Variants in DPP10 observed in about 807,000 individuals in gnomAD.
DPP10 encodes dipeptidyl peptidase like 10, also known as inactive dipeptidyl peptidase 10.
A neutral mutation model predicts 120.9 loss-of-function variants in DPP10; 33 were observed. The ratio of observed to expected loss-of-function variants is 0.27; its 90% CI spans 0.21 to 0.37. The LOEUF (loss-of-function observed/expected upper bound fraction) is 0.37. DPP10 is among the 10% of genes least tolerant of loss of function. DPP10 has a pLI of 1.00. For missense variants in DPP10, 816 were observed against 942.8 expected, an observed-to-expected ratio of 0.87 and a Z score of 1.76; for synonymous variants, 337 against 326.1, an observed-to-expected ratio of 1.03 and a Z score of -0.36.
Position 115,125,923 on chromosome 2 carries a change from C to G in DPP10, c.61-183316C>G, listed in dbSNP as rs541434125. 3.8e-4 allele frequency among the ~76,000 whole-genome samples: 58 copies of G among 152,198 alleles called. No individual in the cohort carries two copies. In the East Asian group the frequency reaches 0.011, roughly 29 times the overall value. On this transcript the variant is annotated intron_variant, in intron 1 of 25. Transcript: ENST00000410059. ...ACATGTATTTAAATTAGATTTTTAC[C>G]AAGCCATATTACCAGGCTAAGTAAA...
chr2:114,555,147 T>C (rs1688186437), intron 1 of DPP10, among the ~76,000 whole-genome samples: 2 of 152,198 alleles, frequency 1.3e-5, no homozygotes, highest in Admixed American at 6.5e-5. Context: ...GTATAGAGTA[T>C]AGACACTGTC....
intron 5 of DPP10, among the ~76,000 whole-genome samples, chr2:115,536,939 A>G (rs2078884738): frequency 6.6e-6 from 1 of 152,116 alleles, no homozygotes; most frequent in South Asian, 2.1e-4. Flanking sequence ...TTAGCAAGCG[A>G]TGGAGTAAAA....
chr2:114,531,442 TG>T (rs1162695065), intron 1 of DPP10, among the ~76,000 whole-genome samples: 6 of 151,504 alleles, frequency 4.0e-5, no homozygotes, highest in African/African-American at 1.4e-4. Flanking sequence ...AGAATTGACA[TG>T]AGCCAATTCC....
intron 1 of DPP10, among the ~76,000 whole-genome samples, chr2:115,007,809 A>G (rs1318321592): frequency 6.7e-6 from 1 of 149,038 alleles, no homozygotes; most frequent in Admixed American, 6.7e-5. Flanking sequence ...CCAAATCATG[A>G]GTGAACTCCC....
intron 1 of DPP10, among the ~76,000 whole-genome samples, chr2:115,106,496 G>A (rs762917442): frequency 1.3e-5 from 2 of 152,068 alleles, no homozygotes; most frequent in African/African-American, 2.4e-5. Flanking sequence ...GTCATGCTTC[G>A]TCATCCAAAC....
chr2:115,528,376 TAAATA>T (rs964544310), intron 5 of DPP10, among the ~76,000 whole-genome samples: 4 of 149,786 alleles, frequency 2.7e-5, no homozygotes, highest in Admixed American at 1.3e-4. Context: ...AATAAATAAA[TAAATA>T]AATAAAAACC....
chr2:115,645,215 C>A (rs567244138), intron 5 of DPP10, among the ~76,000 whole-genome samples: 101 of 152,218 alleles, frequency 6.6e-4, no homozygotes, highest in Non-Finnish European at 9.6e-4. Flanking sequence ...TGTTATAGGC[C>A]AAGCCCAAGT....
chr2:115,519,812 T>C (rs1448987981), intron 4 of DPP10, among the ~76,000 whole-genome samples: 1 of 152,182 alleles, frequency 6.6e-6, no homozygotes, highest in African/African-American at 2.4e-5. Context: ...GTCCACTGGC[T>C]TTCTAAAATC....
intron 5 of DPP10, among the ~76,000 whole-genome samples, chr2:115,636,612 G>A (rs952752507): frequency 6.6e-6 from 1 of 151,980 alleles, no homozygotes; most frequent in African/African-American, 2.4e-5. Flanking sequence ...GAGAGAGTGA[G>A]AGAAGGAGAG....
At position 114,837,201 on chromosome 2, in the gene DPP10, C is replaced by T. The variant is rs1388277016; in HGVS notation, c.60+394363C>T. Among the ~76,000 whole-genome samples the T allele has an allele frequency of 2.0e-5, 3 of 152,134 alleles. No homozygotes were observed. The East Asian group carries it at 5.8e-4, about 29-fold the overall frequency. On this transcript the variant is annotated intron_variant, in intron 1 of 25. Coordinates refer to ENST00000410059, the MANE Select transcript of DPP10 (RefSeq NM_020868.6). ...AAGTGATAAGTGTCCATGAAATCTT[C>T]ACAATCTATGTTCAGAGATTGCAGT...
intron 1 of DPP10, among the ~76,000 whole-genome samples, chr2:114,825,031 T>C (rs1259320013): frequency 1.3e-5 from 2 of 152,174 alleles, no homozygotes; most frequent in South Asian, 2.1e-4. Context: ...GTTAACTCAA[T>C]GCTGTGGAAG....
At chr2:114,975,924 T>G (rs986271208) in intron 1 of DPP10, among the ~76,000 whole-genome samples, 1 of 152,170 alleles carries the variant, frequency 6.6e-6, no homozygotes, top group Admixed American at 6.5e-5. Flanking sequence ...ATACTGGGAT[T>G]ACAGATGTGA....
At chr2:115,395,709 A>G (rs1326792914) in intron 3 of DPP10, among the ~76,000 whole-genome samples, 3 of 152,146 alleles carry the variant, frequency 2.0e-5, no homozygotes, top group African/African-American at 7.2e-5. Context: ...TGTTTTCAAT[A>G]GATGAAACTC....
At chr2:114,888,374 AAAG>A (rs970566058) in intron 1 of DPP10, among the ~76,000 whole-genome samples, 12 of 152,296 alleles carry the variant, frequency 7.9e-5, no homozygotes, top group African/African-American at 2.4e-4. Context: ...ATAGTAGATA[AAAG>A]AAGAAGAAGG....
chr2:115,341,618 C>T (rs1057213378), intron 2 of DPP10, among the ~76,000 whole-genome samples: 3 of 152,190 alleles, frequency 2.0e-5, no homozygotes, highest in African/African-American at 4.8e-5. Context: ...TTCCTTCCCT[C>T]GCAATTCCTA....
At chr2:114,909,893 C>T (rs771762350) in intron 1 of DPP10, among the ~76,000 whole-genome samples, 2 of 151,668 alleles carry the variant, frequency 1.3e-5, no homozygotes, top group South Asian at 2.1e-4. Flanking sequence ...AAAAATAAGC[C>T]GCTATAAGCA....
At chr2:115,300,872 A>G (rs1221813032) in intron 1 of DPP10, among the ~76,000 whole-genome samples, 1 of 151,958 alleles carries the variant, frequency 6.6e-6, no homozygotes, top group Non-Finnish European at 1.5e-5. Context: ...ATCTTTTGAA[A>G]GGGCTGGATT....
intron 1 of DPP10, among the ~76,000 whole-genome samples, chr2:115,139,519 TA>T (rs1368626565): frequency 6.6e-6 from 1 of 152,016 alleles, no homozygotes; most frequent in African/African-American, 2.4e-5. Context: ...GTTGTAAATT[TA>T]ACCATAACCA....
At chr2:115,703,497 A>G (rs1364696796) in intron 7 of DPP10, among the ~76,000 whole-genome samples, 1 of 152,048 alleles carries the variant, frequency 6.6e-6, no homozygotes, top group Non-Finnish European at 1.5e-5. Flanking sequence ...AGGCTGGACA[A>G]GTATTAATGA....
Sources: allele counts gnomAD v4.1 joint callset (sites outside exome capture counted in the v4.1 genomes callset), GRCh38; gene constraint gnomAD v4.1.1; transcripts MANE v1.5; gene names NCBI Gene and HGNC (gene_info 2026-07-23, HGNC 2026-07-21).